The following TTC28 variants were observed in gnomAD, a reference collection of about 807,000 sequenced individuals.
TTC28 encodes the protein tetratricopeptide repeat protein 28.
A neutral mutation model predicts 198.0 loss-of-function variants in TTC28; 61 were observed. That is an observed-to-expected ratio of 0.31 (90% CI 0.25 to 0.38). The LOEUF (loss-of-function observed/expected upper bound fraction) is 0.38, where lower values mean the gene tolerates loss of function less well. Ranked by LOEUF, TTC28 falls within the 10% of genes least tolerant of loss-of-function variation. TTC28 has a pLI of 1.00. For missense variants in TTC28, 2,678 were observed against 3,164.0 expected (o/e 0.85, Z 3.69); for synonymous variants, 1,171 against 1,297.8 (o/e 0.90, Z 2.10).
intron 9 of TTC28, among the ~76,000 whole-genome samples, chr22:28,100,266 T>A (rs1942104780): frequency 6.6e-6 from 1 of 152,224 alleles, no homozygotes; most frequent in South Asian, 2.1e-4. Flanking sequence ...TGTTCCTAAC[T>A]CTGCCACTAA....
chr22:28,625,949 T>C (rs1174654691), intron 2 of TTC28, among the ~76,000 whole-genome samples: 1 of 152,114 alleles, frequency 6.6e-6, no homozygotes, highest in Non-Finnish European at 1.5e-5. Flanking sequence ...AAGGATAATC[T>C]TTAAAACAAA....
At chr22:28,645,102 G>A (rs1253935176) in intron 1 of TTC28, among the ~76,000 whole-genome samples, 3 of 150,832 alleles carry the variant, frequency 2.0e-5, no homozygotes, top group East Asian at 3.9e-4. Flanking sequence ...CTGAGATTGC[G>A]CCACTGCACT....
At chr22:28,245,183 A>G (rs529768511) in intron 5 of TTC28, among the ~76,000 whole-genome samples, 22 of 152,278 alleles carry the variant, frequency 1.4e-4, no homozygotes, top group Admixed American at 7.2e-4. Context: ...TGGGATTCTG[A>G]TAATGTTTAG....
At chr22:28,356,582 G>T (rs920551471) in intron 2 of TTC28, among the ~76,000 whole-genome samples, 3 of 152,176 alleles carry the variant, frequency 2.0e-5, no homozygotes, top group Non-Finnish European at 4.4e-5. Context: ...CAGGCATGAG[G>T]ATACTTGAAG....
intron 2 of TTC28, among the ~76,000 whole-genome samples, chr22:28,462,423 C>T (rs976376987): frequency 2.0e-5 from 3 of 152,158 alleles, no homozygotes; most frequent in Admixed American, 6.6e-5. Flanking sequence ...AACAGGCCTA[C>T]AATTGACCTA....
chr22:28,522,982 A>C (rs1302908787), intron 2 of TTC28, among the ~76,000 whole-genome samples: 4 of 152,214 alleles, frequency 2.6e-5, no homozygotes, highest in African/African-American at 9.6e-5. Context: ...GCAAAACTCC[A>C]TGAATACATA....
chr22:28,526,658 T>C (rs1027935721), intron 2 of TTC28, among the ~76,000 whole-genome samples: 3 of 152,216 alleles, frequency 2.0e-5, no homozygotes, highest in African/African-American at 7.2e-5. Context: ...AAATCCTCTA[T>C]ACAATGAATA....
chr22:28,305,238 A>G (rs138787804), intron 3 of TTC28, among the ~76,000 whole-genome samples: 1,673 of 152,044 alleles, frequency 0.011, 28 homozygotes, highest in African/African-American at 0.039. Flanking sequence ...TGATCTGCCC[A>G]CCTCGGCCTC....
At chr22:28,471,589 G>A (rs2048096967) in intron 2 of TTC28, among the ~76,000 whole-genome samples, 2 of 152,052 alleles carry the variant, frequency 1.3e-5, no homozygotes, top group African/African-American at 4.8e-5. Flanking sequence ...GGCACAACAA[G>A]GGAGCAATCA....
intron 1 of TTC28, among the ~76,000 whole-genome samples, chr22:28,636,649 CCT>C (rs2146223882): frequency 6.6e-6 from 1 of 152,204 alleles, no homozygotes; most frequent in East Asian, 1.9e-4. Context: ...TTTTCACACC[CCT>C]CTTAGCAGTT....
intron 2 of TTC28, among the ~76,000 whole-genome samples, chr22:28,526,419 T>G (rs919979518): frequency 2.0e-5 from 3 of 152,170 alleles, no homozygotes; most frequent in African/African-American, 7.2e-5. Flanking sequence ...AAAAAATAAC[T>G]ATTTGAAGGC....
intron 2 of TTC28, among the ~76,000 whole-genome samples, chr22:28,481,735 G>T (rs901532017): frequency 2.5e-4 from 38 of 152,078 alleles, no homozygotes; most frequent in African/African-American, 9.2e-4. Flanking sequence ...TCGTGGTATT[G>T]TTCTCCTCCT....
chr22:27,990,849 G>A (rs1164220157), intron 19 of TTC28, 37 bp from the exon 20 acceptor site: 4 of 1,540,064 alleles, frequency 2.6e-6, no homozygotes, highest in Middle Eastern at 1.7e-4. Context: ...GAAAGAAAGA[G>A]AGAAAGAAGA....
chr22:28,166,612 T>C (rs987680378), intron 5 of TTC28, among the ~76,000 whole-genome samples: 12 of 152,108 alleles, frequency 7.9e-5, no homozygotes, highest in Admixed American at 2.0e-4. Context: ...TAAAGATGTT[T>C]TTTGAAGCCA....
intron 2 of TTC28, among the ~76,000 whole-genome samples, chr22:28,453,364 G>A (rs1228008185): frequency 1.3e-5 from 2 of 151,996 alleles, no homozygotes; most frequent in Non-Finnish European, 1.5e-5. Context: ...AAAGACCTCA[G>A]CCAGTCTCAA....
At chr22:28,368,532 G>T (rs1054139371) in intron 2 of TTC28, among the ~76,000 whole-genome samples, 1 of 151,986 alleles carries the variant, frequency 6.6e-6, no homozygotes, top group Admixed American at 6.6e-5. Context: ...CATAGTACTA[G>T]AAGTCCTAGC....
chr22:28,306,789 C>T (rs2045155921), intron 2 of TTC28, 146 bp from the exon 3 acceptor site: 8 of 809,944 alleles, frequency 9.9e-6, no homozygotes, highest in African/African-American at 1.8e-5. Context: ...ATGAAATGAA[C>T]TAACTTCTAA....
rs368014194 is a variant in TTC28, at chr22:28,295,561, C to G, written c.933+637G>C. 5.9e-5 allele frequency among the ~76,000 whole-genome samples: 9 copies of G among 152,110 alleles called. No individual in the cohort carries two copies. The East Asian group carries it at 1.5e-3, about 26-fold the overall frequency. On this transcript the variant is annotated intron_variant, in intron 5 of 22. Transcript: ENST00000397906. ...AAGAAGAGTTAAGTTATAACTACCC[C>G]CAAGATCCCACAGCCAGGAAGTACT... is the stretch of plus-strand genomic sequence containing the variant.
chr22:28,641,661 G>A (rs1156303458), intron 1 of TTC28, among the ~76,000 whole-genome samples: 6 of 152,256 alleles, frequency 3.9e-5, no homozygotes, highest in Non-Finnish European at 2.9e-5. Context: ...CTTTTATGGT[G>A]TGAATTGCAT....
Sources: gnomAD v4.1 joint callset for allele counts (sites outside exome capture counted in the v4.1 genomes callset) on GRCh38, gnomAD v4.1.1 for gene constraint, MANE v1.5 for transcripts, NCBI Gene and HGNC (gene_info 2026-07-23, HGNC 2026-07-21) for gene names.